FSTL4: variants seen among roughly 807,000 people sequenced by gnomAD.
FSTL4 encodes the protein follistatin like 4, also known as follistatin-related protein 4.
Under a neutral mutation model 78.2 loss-of-function variants are expected in FSTL4, and 28 were observed. The observed-to-expected ratio is 0.36, with a 90% confidence interval of 0.27 to 0.49. FSTL4 has a LOEUF of 0.49. Among genes scored for constraint, FSTL4 ranks in the 20% least tolerant of loss-of-function variants. FSTL4 has a pLI of 0.98. For missense variants in FSTL4, 922 were observed against 1,084.9 expected (o/e 0.85, Z 2.11); for synonymous variants, 422 against 440.5 (o/e 0.96, Z 0.53).
At chr5:133,319,264 T>G (rs763850481) in intron 4 of FSTL4, among the ~76,000 whole-genome samples, 1 of 152,208 alleles carries the variant, frequency 6.6e-6, no homozygotes, top group South Asian at 2.1e-4. Flanking sequence ...GGGTGGGCCC[T>G]CCAGGTCTCC....
chr5:133,381,506 G>A (rs1186187873), intron 4 of FSTL4, among the ~76,000 whole-genome samples: 3 of 152,198 alleles, frequency 2.0e-5, no homozygotes, highest in Non-Finnish European at 4.4e-5. Context: ...AAAGAAAGCT[G>A]GAAGATGATT....
At chr5:133,729,514 A>G in the FSTL4 span, among the ~76,000 whole-genome samples, 2 of 152,178 alleles carry the variant, frequency 1.3e-5, no homozygotes, top group Non-Finnish European at 2.9e-5. Flanking sequence ...TTCCACATAT[A>G]CTTTTTAAAA....
At position 133,537,130 on chromosome 5, in the gene FSTL4, G is replaced by A. The variant is rs113488190; in HGVS notation, c.160+30056C>T. ...CTTTAGGGTGGCCATCATTATTTCT[G>A]GTCCTTTGGTTTCCACATAAATTAT... On this transcript the variant is annotated intron_variant, in intron 3 of 15. Coordinates refer to ENST00000265342, the MANE Select transcript of FSTL4 (RefSeq NM_015082.2). Among the ~76,000 whole-genome samples, 547 of 152,198 alleles carry A rather than the reference G, an allele frequency of 3.6e-3. 1 individual carries two copies. The highest frequency in any genetic ancestry group is 8.9e-3 in the South Asian group (43 of 4,820).
chr5:133,700,131 C>T, the FSTL4 span, among the ~76,000 whole-genome samples: 1 of 152,122 alleles, frequency 6.6e-6, no homozygotes, highest in Non-Finnish European at 1.5e-5. Flanking sequence ...ACCAAACCAC[C>T]ACACCAAAAC....
chr5:133,231,092 C>G (rs1208475835), intron 8 of FSTL4, among the ~76,000 whole-genome samples: 1 of 152,086 alleles, frequency 6.6e-6, no homozygotes, highest in African/African-American at 2.4e-5. Context: ...GGACATAGCT[C>G]CCACGCCTCT....
intron 3 of FSTL4, among the ~76,000 whole-genome samples, chr5:133,551,253 G>A (rs745575878): frequency 8.5e-5 from 13 of 152,064 alleles, no homozygotes; most frequent in Non-Finnish European, 1.9e-4. Context: ...AAGTGTGGGA[G>A]GGAGGATAAA....
At chr5:133,722,988 C>T in the FSTL4 span, among the ~76,000 whole-genome samples, 7 of 152,102 alleles carry the variant, frequency 4.6e-5, no homozygotes, top group African/African-American at 9.7e-5. Flanking sequence ...GTCTTCCCCA[C>T]GGTTAGGAGT....
intron 6 of FSTL4, among the ~76,000 whole-genome samples, chr5:133,251,299 T>C (rs1472266300): frequency 6.6e-6 from 1 of 152,122 alleles, no homozygotes; most frequent in Non-Finnish European, 1.5e-5. Context: ...AGAGGAGGCA[T>C]CCTTTCCTCA....
intron 4 of FSTL4, 31 bp from the exon 5 acceptor site, chr5:133,316,683 G>A: frequency 5.1e-6 from 8 of 1,565,264 alleles, no homozygotes; most frequent in Non-Finnish European, 6.1e-6. Context: ...ATTATTTTGA[G>A]ACTTATCCCG....
At chr5:133,771,643 T>C in the FSTL4 span, among the ~76,000 whole-genome samples, 1 of 152,092 alleles carries the variant, frequency 6.6e-6, no homozygotes, top group Non-Finnish European at 1.5e-5. Flanking sequence ...TTGTGGAGTC[T>C]TTAGGGTTTT....
At chr5:133,422,819 G>A (rs1270596053) in intron 3 of FSTL4, among the ~76,000 whole-genome samples, 1 of 152,240 alleles carries the variant, frequency 6.6e-6, no homozygotes, top group Non-Finnish European at 1.5e-5. Flanking sequence ...TAGGAAAGGT[G>A]TGTTTGACTT....
chr5:133,625,287 A>T, the FSTL4 span, among the ~76,000 whole-genome samples: 287 of 151,844 alleles, frequency 1.9e-3, 2 homozygotes, highest in African/African-American at 6.1e-3. Context: ...TGTTAATTCA[A>T]TTTTCCTAAT....
chr5:133,738,447 G>A, the FSTL4 span, among the ~76,000 whole-genome samples: 8 of 152,196 alleles, frequency 5.3e-5, no homozygotes, highest in East Asian at 1.9e-4. Flanking sequence ...CCAAGGCCAC[G>A]TATATGATTC....
Position 133,489,191 on chromosome 5 carries a change from C to T in FSTL4, c.160+77995G>A, listed in dbSNP as rs188057822. Among the ~76,000 whole-genome samples the T allele has an allele frequency of 4.5e-4, 69 of 152,300 alleles. No homozygotes were observed. The East Asian group carries it at 9.3e-3, about 20-fold the overall frequency. On this transcript the variant is annotated intron_variant, in intron 3 of 15. Coordinates refer to ENST00000265342, the MANE Select transcript of FSTL4 (RefSeq NM_015082.2). ...GATAGGGCAGACCCTCTGGAGAACCCGTTTCTCGGCTAACCTTCTGTGGGG... is the reference window on the plus strand; with the variant it reads ...GATAGGGCAGACCCTCTGGAGAACCTGTTTCTCGGCTAACCTTCTGTGGGG...
chr5:133,318,009 G>A (rs1414254769), intron 4 of FSTL4, among the ~76,000 whole-genome samples: 4 of 152,112 alleles, frequency 2.6e-5, no homozygotes, highest in Non-Finnish European at 4.4e-5. Context: ...AGCCTGGACA[G>A]CCCAACCACT....
chr5:133,420,310 G>C (rs901853125), intron 3 of FSTL4, among the ~76,000 whole-genome samples: 2 of 152,242 alleles, frequency 1.3e-5, no homozygotes, highest in African/African-American at 4.8e-5. Context: ...TATCTTGATT[G>C]AGTGATGGTA....
At chr5:133,390,931 C>T (rs1022606162) in intron 4 of FSTL4, among the ~76,000 whole-genome samples, 4 of 152,212 alleles carry the variant, frequency 2.6e-5, no homozygotes, top group South Asian at 2.1e-4. Flanking sequence ...GAGGGAACAG[C>T]CGAGCCCCCA....
At chr5:133,647,593 T>G in the FSTL4 span, among the ~76,000 whole-genome samples, 32 of 152,232 alleles carry the variant, frequency 2.1e-4, no homozygotes, top group South Asian at 6.4e-3. Flanking sequence ...TTCATCCCTT[T>G]CCAGGAGATA....
At chr5:133,305,747 C>T (rs1200585904) in intron 6 of FSTL4, among the ~76,000 whole-genome samples, 1 of 152,182 alleles carries the variant, frequency 6.6e-6, no homozygotes, top group African/African-American at 2.4e-5. Context: ...CCTCATCTTT[C>T]ATGGTTCTCC....
Sources: allele counts gnomAD v4.1 joint callset (sites outside exome capture counted in the v4.1 genomes callset), GRCh38; gene constraint gnomAD v4.1.1; transcripts MANE v1.5; gene names NCBI Gene and HGNC (gene_info 2026-07-23, HGNC 2026-07-21).